Variants in CTNNA1 observed in about 807,000 individuals in gnomAD.
CTNNA1 encodes catenin alpha 1.
Under a neutral mutation model 98.4 loss-of-function variants are expected in CTNNA1, and 37 were observed. That is an observed-to-expected ratio of 0.38 (90% CI 0.29 to 0.49). CTNNA1 has a LOEUF of 0.49. CTNNA1 is among the 20% of genes least tolerant of loss of function. The pLI is 0.95. For missense variants in CTNNA1, 761 were observed against 1,147.2 expected (o/e 0.66, Z 4.86); for synonymous variants, 404 against 413.2 (o/e 0.98, Z 0.27).
At chr5:138,924,294 TTA>T (rs1763540942) in intron 11 of CTNNA1, among the ~76,000 whole-genome samples, 5 of 137,596 alleles carry the variant, frequency 3.6e-5, no homozygotes, top group African/African-American at 1.3e-4. Context: ...TTTTTTTTTT[TTA>T]AAAACCTGGA....
chr5:138,853,189 C>T (rs1240240406), intron 7 of CTNNA1, among the ~76,000 whole-genome samples: 2 of 151,892 alleles, frequency 1.3e-5, no homozygotes, highest in Non-Finnish European at 2.9e-5. Context: ...TGAAGTTATC[C>T]TCCCGCCTCG....
At chr5:138,913,229 T>G (rs1761036675) in intron 10 of CTNNA1, among the ~76,000 whole-genome samples, 1 of 152,212 alleles carries the variant, frequency 6.6e-6, no homozygotes, top group South Asian at 2.1e-4. Context: ...CTGTTTTTTT[T>G]CCTGGCATAT....
intron 9 of CTNNA1, among the ~76,000 whole-genome samples, chr5:138,890,540 G>T (rs1755117002): frequency 2.6e-5 from 4 of 152,156 alleles, no homozygotes; most frequent in Admixed American, 2.6e-4. Context: ...AGACACATAG[G>T]ATGGAGTCTG....
At chr5:138,887,907 A>T (rs1392203485) in intron 9 of CTNNA1, among the ~76,000 whole-genome samples, 1 of 152,214 alleles carries the variant, frequency 6.6e-6, no homozygotes, top group Non-Finnish European at 1.5e-5. Context: ...ATAAATCATG[A>T]CATGACTAGA....
In CTNNA1 at chr5:138,874,985, A is replaced by T; in HGVS notation, c.1063-11227A>T. On this transcript the variant is annotated intron_variant, in intron 7 of 17. Coordinates refer to ENST00000302763, the MANE Select transcript of CTNNA1 (RefSeq NM_001903.5). This position sits in a 1 kb window ranked among gnomAD's most constrained non-coding sequence, Gnocchi z 4.1. ...ACGCAGTGAGTCTGTAAAAGGCTCT[A>T]ACATGTAGGAGCCTTTGACCAGTTT... The T allele has an allele frequency of 7.4e-6, 11 of 1,489,280 alleles. No individual in the cohort carries two copies. Among genetic ancestry groups the T allele is most frequent in the African/African-American group, 1.4e-5 (1 of 72,414 alleles). 92.3% of individuals were successfully genotyped at this position (1,489,280 alleles called of 1,614,324 possible).
At chr5:138,929,486 T>C (rs544500002) in intron 14 of CTNNA1, 130 bp downstream of exon 14, 5 of 612,152 alleles carry the variant, frequency 8.2e-6, no homozygotes, top group African/African-American at 7.4e-5. Flanking sequence ...GGCAGTAGAC[T>C]GAAGTTAAAC....
At chr5:138,823,815 G>T (rs1198469157) in intron 5 of CTNNA1, among the ~76,000 whole-genome samples, 1 of 150,710 alleles carries the variant, frequency 6.6e-6, no homozygotes, top group African/African-American at 2.4e-5. Flanking sequence ...AAATTAGCCG[G>T]GCGTAGTGGC....
At chr5:138,796,862 C>T (rs1757039008) in intron 3 of CTNNA1, among the ~76,000 whole-genome samples, 1 of 152,176 alleles carries the variant, frequency 6.6e-6, no homozygotes, top group South Asian at 2.1e-4. Flanking sequence ...TTGGATTTGG[C>T]AGTTGATAAC....
At chr5:138,810,229 A>C in intron 4 of CTNNA1, 25 bp downstream of exon 4, 1 of 1,599,758 alleles carries the variant, frequency 6.3e-7, no homozygotes, top group Non-Finnish European at 8.6e-7. Flanking sequence ...CTATGTCTGT[A>C]ATTTGTTCTA....
At chr5:138,904,533 T>C in intron 10 of CTNNA1, 92 bp downstream of exon 10, 1 of 1,480,326 alleles carries the variant, frequency 6.8e-7, no homozygotes, top group Non-Finnish European at 9.1e-7. Flanking sequence ...TTGTTTTGTT[T>C]TTAGGATTTT....
chr5:138,933,746 G>A (rs192087085), intron 17 of CTNNA1, 56 bp from the exon 18 acceptor site: 2 of 1,572,800 alleles, frequency 1.3e-6, no homozygotes, highest in Non-Finnish European at 1.7e-6. Context: ...GCCCACCTGT[G>A]TCCACGAGGC....
chr5:138,907,713 G>A (rs558436517), intron 10 of CTNNA1, among the ~76,000 whole-genome samples: 4 of 152,340 alleles, frequency 2.6e-5, no homozygotes, highest in African/African-American at 7.2e-5. Flanking sequence ...GCTGCAGCAT[G>A]TAGCCAAACA....
intron 11 of CTNNA1, among the ~76,000 whole-genome samples, chr5:138,921,759 C>T (rs1443210504): frequency 1.3e-5 from 2 of 151,746 alleles, no homozygotes; most frequent in African/African-American, 4.8e-5. Flanking sequence ...TGTCACCACA[C>T]CCACCTAATT....
chr5:138,875,672 A>G (rs968678005), intron 7 of CTNNA1: 3 of 985,324 alleles, frequency 3.0e-6, no homozygotes, highest in African/African-American at 1.7e-5. Context: ...CTGCATAGAG[A>G]GATCATCTAA....
intron 7 of CTNNA1, among the ~76,000 whole-genome samples, chr5:138,878,997 G>C (rs1752267240): frequency 6.6e-6 from 1 of 151,906 alleles, no homozygotes; most frequent in African/African-American, 2.4e-5. Flanking sequence ...GGAGCACGAG[G>C]TCAGGAGTTC....
chr5:138,805,640 C>T (rs1188072695), intron 3 of CTNNA1, among the ~76,000 whole-genome samples: 1 of 151,468 alleles, frequency 6.6e-6, no homozygotes, highest in Non-Finnish European at 1.5e-5. Context: ...TTAAAGAAGC[C>T]AGGTCTTGCT....
intron 10 of CTNNA1, among the ~76,000 whole-genome samples, chr5:138,905,079 G>A (rs1343706266): frequency 1.5e-5 from 2 of 135,008 alleles, no homozygotes; most frequent in African/African-American, 6.0e-5. Flanking sequence ...GGGCGACAGA[G>A]CAAGACTCCG....
intron 1 of CTNNA1, among the ~76,000 whole-genome samples, chr5:138,764,428 C>T (rs904660239): frequency 1.3e-5 from 2 of 151,814 alleles, no homozygotes; most frequent in African/African-American, 4.8e-5. Context: ...GAGTTTGATC[C>T]CTTGGGAGGG....
intron 7 of CTNNA1, among the ~76,000 whole-genome samples, chr5:138,838,962 T>C (rs1237280018): frequency 6.6e-6 from 1 of 151,906 alleles, no homozygotes; most frequent in Non-Finnish European, 1.5e-5. Context: ...TTCAAGATAT[T>C]TTAAAATTTT....
Sources: allele counts gnomAD v4.1 joint callset (sites outside exome capture counted in the v4.1 genomes callset), GRCh38; gene constraint gnomAD v4.1.1; non-coding constraint Gnocchi (gnomAD v3.1); transcripts MANE v1.5; gene names NCBI Gene and HGNC (gene_info 2026-07-23, HGNC 2026-07-21).